The following CFAP299 variants were observed in gnomAD, a reference collection of about 807,000 sequenced individuals.
The protein encoded by CFAP299 is cilia- and flagella-associated protein 299.
Under a neutral mutation model 27.0 loss-of-function variants are expected in CFAP299, and 21 were observed. The observed-to-expected ratio is 0.78, with a 90% CI of 0.55 to 1.12. The LOEUF (loss-of-function observed/expected upper bound fraction) is 1.12. CFAP299 is among the 50% of genes most tolerant of loss of function. The probability of loss-of-function intolerance (pLI) is 0.00; values close to 1 mark genes in which losing one functional copy is unlikely to be tolerated. For missense variants in CFAP299, 310 were observed against 276.6 expected (o/e 1.12, Z -0.86); for synonymous variants, 104 against 98.1 (o/e 1.06, Z -0.36).
At chr4:80,835,340 C>T (rs1413765444) in intron 3 of CFAP299, among the ~76,000 whole-genome samples, 1 of 151,976 alleles carries the variant, frequency 6.6e-6, no homozygotes, top group Admixed American at 6.6e-5. Flanking sequence ...CCTCCTGATC[C>T]GCCCGCCTCG....
chr4:80,573,677 A>T (rs2109857741), intron 2 of CFAP299, among the ~76,000 whole-genome samples: 1 of 152,208 alleles, frequency 6.6e-6, no homozygotes, highest in Middle Eastern at 3.4e-3. Context: ...ATTCTTCTGT[A>T]TATGGATATT....
chr4:80,882,514 T>G (rs1347311173), intron 4 of CFAP299, among the ~76,000 whole-genome samples: 1 of 151,990 alleles, frequency 6.6e-6, no homozygotes. Context: ...GGCAGGCGCC[T>G]GTAGTCCCAG....
At chr4:80,934,740 T>C (rs931594883) in intron 4 of CFAP299, among the ~76,000 whole-genome samples, 1 of 152,014 alleles carries the variant, frequency 6.6e-6, no homozygotes, top group Non-Finnish European at 1.5e-5. Context: ...CAAAATGTCT[T>C]CTCTTTCATT....
At chr4:80,951,802 T>C (rs1210540561) in intron 5 of CFAP299, among the ~76,000 whole-genome samples, 1 of 152,218 alleles carries the variant, frequency 6.6e-6, no homozygotes, top group African/African-American at 2.4e-5. Flanking sequence ...TTCATTCATT[T>C]AAAATATGTT....
At chr4:80,805,788 C>T (rs899178493) in intron 3 of CFAP299, among the ~76,000 whole-genome samples, 1 of 152,080 alleles carries the variant, frequency 6.6e-6, no homozygotes, top group Non-Finnish European at 1.5e-5. Flanking sequence ...GCAGGAGGCT[C>T]GCTTGAGCCT....
At chr4:80,482,112 C>A (rs942533248) in intron 2 of CFAP299, among the ~76,000 whole-genome samples, 1 of 151,728 alleles carries the variant, frequency 6.6e-6, no homozygotes, top group Non-Finnish European at 1.5e-5. Context: ...GCACAGGTGG[C>A]AATTCTATCT....
intron 3 of CFAP299, among the ~76,000 whole-genome samples, chr4:80,600,454 TGTTTTCTCTTTTGACAGTGTAC>T (rs1244718350): frequency 6.6e-6 from 1 of 152,152 alleles, no homozygotes; most frequent in Non-Finnish European, 1.5e-5. Context: ...TGTTTAGGTC[TGTTTTCTCTTTTGACAGTGTAC>T]GTTTATTTTC....
chr4:80,505,980 A>G (rs916136218), intron 2 of CFAP299, among the ~76,000 whole-genome samples: 1 of 150,678 alleles, frequency 6.6e-6, no homozygotes, highest in African/African-American at 2.4e-5. Context: ...TAATGTGTAC[A>G]CACACACACG....
chr4:80,555,268 T>C (rs1447324292), intron 2 of CFAP299, among the ~76,000 whole-genome samples: 1 of 152,192 alleles, frequency 6.6e-6, no homozygotes. Flanking sequence ...GTAGTTTTTG[T>C]CTTTAGTTCT....
intron 2 of CFAP299, among the ~76,000 whole-genome samples, chr4:80,575,709 T>C (rs1177024764): frequency 6.6e-6 from 1 of 152,174 alleles, no homozygotes; most frequent in Non-Finnish European, 1.5e-5. Flanking sequence ...TTTATAGTTT[T>C]TAAAGATGCA....
chr4:80,714,018 T>C (rs534027830), intron 3 of CFAP299, among the ~76,000 whole-genome samples: 12 of 152,234 alleles, frequency 7.9e-5, no homozygotes, highest in Admixed American at 2.0e-4. Context: ...TAGTGGAATA[T>C]ATATATATAT....
intron 4 of CFAP299, among the ~76,000 whole-genome samples, chr4:80,878,856 A>G (rs981459121): frequency 1.3e-5 from 2 of 152,134 alleles, no homozygotes; most frequent in African/African-American, 4.8e-5. Context: ...AGAACTCAGA[A>G]TCATTTTCCT....
At chr4:80,334,705 A>C (rs923044058), upstream of CFAP299, among the ~76,000 whole-genome samples, 2 of 152,242 alleles carry the variant, frequency 1.3e-5, no homozygotes, top group Admixed American at 1.3e-4. Flanking sequence ...AAACAAACAA[A>C]AAAACAAGTT....
chr4:80,496,936 T>G (rs1244236019), intron 2 of CFAP299, among the ~76,000 whole-genome samples: 2 of 152,044 alleles, frequency 1.3e-5, no homozygotes, highest in African/African-American at 4.8e-5. Flanking sequence ...TTTTAAATGA[T>G]CATGTCTCAT....
chr4:80,689,948 G>A lies in CFAP299; in HGVS notation c.333+106765G>A, dbSNP rs563396345. ...ACAAAGATCAAAAGAGACAAAGAAG[G>A]CCATTACATAATGGTAAAGGGATCA... On this transcript the variant is annotated intron_variant, in intron 3 of 5. Coordinates refer to ENST00000358105, the MANE Select transcript of CFAP299 (RefSeq NM_152770.3). 7.0e-4 allele frequency among the ~76,000 whole-genome samples: 105 copies of A among 150,956 alleles called. 2 individuals carry two copies. The highest frequency in any genetic ancestry group is 6.0e-4 in the Non-Finnish European group (41 of 67,854).
chr4:80,763,245 C>A (rs950857225), intron 3 of CFAP299, among the ~76,000 whole-genome samples: 9 of 152,184 alleles, frequency 5.9e-5, no homozygotes, highest in Non-Finnish European at 1.2e-4. Context: ...TGATAAGCAA[C>A]TTCAGCAAAG....
the CFAP299 span, among the ~76,000 whole-genome samples, chr4:80,327,721 T>TAA: frequency 5.3e-5 from 7 of 132,720 alleles, no homozygotes; most frequent in South Asian, 1.0e-3. Context: ...TATATATATA[T>TAA]AACTTCAATA....
chr4:80,679,214 T>A (rs1719670706), intron 3 of CFAP299, among the ~76,000 whole-genome samples: 1 of 152,084 alleles, frequency 6.6e-6, no homozygotes, highest in South Asian at 2.1e-4. Context: ...GACCTTGAGA[T>A]TCATCTGGAT....
intron 2 of CFAP299, among the ~76,000 whole-genome samples, chr4:80,406,685 A>G (rs1324068421): frequency 6.6e-6 from 1 of 152,170 alleles, no homozygotes; most frequent in East Asian, 1.9e-4. Flanking sequence ...TACAAACTTA[A>G]TGTTATATAT....
Sources: allele counts gnomAD v4.1 joint callset (sites outside exome capture counted in the v4.1 genomes callset), GRCh38; gene constraint gnomAD v4.1.1; transcripts MANE v1.5; gene names NCBI Gene and HGNC (gene_info 2026-07-23, HGNC 2026-07-21).